ALK: variants seen among roughly 807,000 people sequenced by gnomAD.
ALK encodes the protein ALK receptor tyrosine kinase.
A neutral mutation model predicts 163.1 loss-of-function variants in ALK; 74 were observed. The ratio of observed to expected loss-of-function variants is 0.45; its 90% confidence interval spans 0.38 to 0.55. ALK has a LOEUF of 0.55. Among genes scored for constraint, ALK ranks in the 20% least tolerant of loss-of-function variants. The probability of loss-of-function intolerance (pLI) is 0.00; values close to 1 mark genes in which losing one functional copy is unlikely to be tolerated. For missense variants in ALK, 2,063 were observed against 2,105.3 expected, an observed-to-expected ratio of 0.98 and a Z score of 0.39; for synonymous variants, 960 against 843.2, an observed-to-expected ratio of 1.14 and a Z score of -2.40.
chr2:29,648,460 C>T (rs1327873548), intron 3 of ALK, among the ~76,000 whole-genome samples: 4 of 152,118 alleles, frequency 2.6e-5, no homozygotes, highest in African/African-American at 9.7e-5. Flanking sequence ...ACTCTTTTCA[C>T]CTTGTAAACC....
intron 11 of ALK, among the ~76,000 whole-genome samples, chr2:29,263,657 A>G (rs913936935): frequency 5.9e-5 from 9 of 152,190 alleles, no homozygotes; most frequent in African/African-American, 2.2e-4. Flanking sequence ...GACTAGAGAA[A>G]AGAAGGGAAG....
intron 26 of ALK, among the ~76,000 whole-genome samples, chr2:29,206,672 ATCT>A (rs1669318688): frequency 6.6e-6 from 1 of 151,966 alleles, no homozygotes; most frequent in Non-Finnish European, 1.5e-5. Flanking sequence ...CCATTTTCTA[ATCT>A]TCTCAGTAAG....
At chr2:29,513,945 A>G (rs888150655) in intron 4 of ALK, among the ~76,000 whole-genome samples, 1 of 128,816 alleles carries the variant, frequency 7.8e-6, no homozygotes, top group African/African-American at 3.0e-5. Context: ...CAAAACCACA[A>G]TGAGATACCA....
At chr2:29,690,911 C>T (rs1678376499) in intron 3 of ALK, among the ~76,000 whole-genome samples, 2 of 152,102 alleles carry the variant, frequency 1.3e-5, no homozygotes, top group African/African-American at 2.4e-5. Flanking sequence ...AAAGGCAACC[C>T]ATCCCCACTT....
intron 4 of ALK, among the ~76,000 whole-genome samples, chr2:29,465,603 A>C (rs1479959390): frequency 6.6e-6 from 1 of 152,166 alleles, no homozygotes; most frequent in African/African-American, 2.4e-5. Flanking sequence ...CTGAGGCATG[A>C]AAATCACTTG....
chr2:29,690,118 T>A (rs1012576740), intron 3 of ALK, among the ~76,000 whole-genome samples: 1 of 152,158 alleles, frequency 6.6e-6, no homozygotes, highest in African/African-American at 2.4e-5. Flanking sequence ...CAGGAGTGCA[T>A]CAAAAATTTG....
At chr2:29,502,718 T>TGAGTTTATGCC (rs1371271100) in intron 4 of ALK, among the ~76,000 whole-genome samples, 1 of 152,108 alleles carries the variant, frequency 6.6e-6, no homozygotes, top group Non-Finnish European at 1.5e-5. Flanking sequence ...GAAAGCATAT[T>TGAGTTTATGCC]GAGTTTATGC....
At chr2:29,540,721 A>T (rs1489766247) in intron 3 of ALK, among the ~76,000 whole-genome samples, 1 of 152,006 alleles carries the variant, frequency 6.6e-6, no homozygotes, top group Non-Finnish European at 1.5e-5. Flanking sequence ...TCTTGGCTAC[A>T]AGTCTCCAAA....
intron 3 of ALK, among the ~76,000 whole-genome samples, chr2:29,646,280 A>G (rs369976937): frequency 5.3e-5 from 8 of 152,206 alleles, no homozygotes; most frequent in African/African-American, 1.9e-4. Flanking sequence ...TGTCCAAGTC[A>G]TTGGCTCCGC....
chr2:29,545,962 A>C (rs1673540904), intron 3 of ALK, among the ~76,000 whole-genome samples: 1 of 152,214 alleles, frequency 6.6e-6, no homozygotes, highest in African/African-American at 2.4e-5. Context: ...GTCCTACTTA[A>C]CTGAGGCAGA....
intron 1 of ALK, among the ~76,000 whole-genome samples, chr2:29,793,516 C>T (rs560004273): frequency 2.1e-4 from 32 of 152,266 alleles, no homozygotes; most frequent in African/African-American, 7.0e-4. Flanking sequence ...ATCCATCAGA[C>T]GAATCACTAT....
At chr2:29,487,583 C>G (rs1453114625) in intron 4 of ALK, among the ~76,000 whole-genome samples, 1 of 152,196 alleles carries the variant, frequency 6.6e-6, no homozygotes, top group Non-Finnish European at 1.5e-5. Context: ...AGCTTAACAA[C>G]TGAGTGACTT....
At chr2:29,270,163 C>T (rs1470504427) in intron 11 of ALK, among the ~76,000 whole-genome samples, 20 of 152,190 alleles carry the variant, frequency 1.3e-4, no homozygotes, top group Non-Finnish European at 8.8e-5. Context: ...CTCTCGAAGA[C>T]CTATTCAATA....
At chr2:29,527,913 G>C (rs1353820667) in intron 4 of ALK, among the ~76,000 whole-genome samples, 3 of 152,080 alleles carry the variant, frequency 2.0e-5, no homozygotes, top group Non-Finnish European at 4.4e-5. Flanking sequence ...AGGGGAGGAG[G>C]TTAGACTCCC....
At chr2:29,846,579 T>G (rs2148398005) in intron 1 of ALK, among the ~76,000 whole-genome samples, 1 of 151,954 alleles carries the variant, frequency 6.6e-6, no homozygotes, top group South Asian at 2.1e-4. Context: ...AGCAGAGGAG[T>G]CTACTTGGTG....
chr2:29,833,577 G>C (rs1241230447), intron 1 of ALK, among the ~76,000 whole-genome samples: 4 of 152,206 alleles, frequency 2.6e-5, no homozygotes, highest in African/African-American at 4.8e-5. Context: ...GCCTTTTATG[G>C]AGCACTTACC....
intron 1 of ALK, among the ~76,000 whole-genome samples, chr2:29,756,506 TA>T (rs936546691): frequency 6.6e-6 from 1 of 150,980 alleles, no homozygotes; most frequent in African/African-American, 2.4e-5. Context: ...CTTAGCAAAG[TA>T]CAGTAGATCA....
intron 3 of ALK, among the ~76,000 whole-genome samples, chr2:29,651,242 G>T (rs1677027063): frequency 6.6e-6 from 1 of 152,124 alleles, no homozygotes; most frequent in South Asian, 2.1e-4. Context: ...GCTTCAAGCT[G>T]GTTGGGAACG....
intron 1 of ALK, among the ~76,000 whole-genome samples, chr2:29,875,971 G>C (rs1020623761): frequency 2.6e-5 from 4 of 152,114 alleles, no homozygotes; most frequent in Non-Finnish European, 5.9e-5. Context: ...GAGTCAAATG[G>C]TGTTTCTGGT....
Sources: gnomAD v4.1 joint callset for allele counts (sites outside exome capture counted in the v4.1 genomes callset) on GRCh38, gnomAD v4.1.1 for gene constraint, MANE v1.5 for transcripts, NCBI Gene and HGNC (gene_info 2026-07-23, HGNC 2026-07-21) for gene names.